Variants in C18orf63 observed in about 807,000 individuals in gnomAD.
C18orf63 encodes the protein uncharacterized protein C18orf63.
C18orf63 carries 50 observed loss-of-function variants against 75.3 expected under a neutral mutation model. That is an observed-to-expected ratio of 0.66 (90% CI 0.53 to 0.84). C18orf63 has a LOEUF of 0.84. C18orf63 is among the 40% of genes least tolerant of loss of function. C18orf63 has a pLI of 0.00. For missense variants in C18orf63, 732 were observed against 800.2 expected, an observed-to-expected ratio of 0.91 and a Z score of 1.03; for synonymous variants, 232 against 267.6, an observed-to-expected ratio of 0.87 and a Z score of 1.30.
chr18:74,342,432 A>C, intron 10 of C18orf63, 106 bp downstream of exon 10: 1 of 674,782 alleles, frequency 1.5e-6, no homozygotes, highest in Non-Finnish European at 2.6e-6. Flanking sequence ...TCTGTGTCTA[A>C]CTGAAACTAT....
Position 74,322,743 on chromosome 18 carries a change from T to C in C18orf63, c.259T>C (p.Tyr87His). Residue 87 changes from tyrosine to histidine, a missense_variant, in exon 4 of 14, where the codon TAT becomes CAT. By Grantham distance (83) the Tyr-to-His change is moderately conservative (BLOSUM62 2). Around this residue, in one of 3 missense-constraint regions of C18orf63, gnomAD observed 233 missense variants for 272.7 expected, o/e 0.85. Transcript: ENST00000579455. ...AAAACTTAATGCCTATGTTGAAAAATATGGAGCTAAGGTAAGTGTTAAAAA... is the reference window on the plus strand; with the variant it reads ...AAAACTTAATGCCTATGTTGAAAAACATGGAGCTAAGGTAAGTGTTAAAAA... Reference protein sequence around the residue: ...ARKLNAYVEKYGAKMEAPQRV... With the variant: ...ARKLNAYVEKHGAKMEAPQRV... 3 of 1,336,202 alleles carry C rather than the reference T, an allele frequency of 2.2e-6. No homozygotes were observed. Among genetic ancestry groups the C allele is most frequent in the Non-Finnish European group, 3.0e-6 (3 of 985,002 alleles). 82.8% of individuals were successfully genotyped at this position (1,336,202 alleles called of 1,614,324 possible).
intron 8 of C18orf63, among the ~76,000 whole-genome samples, chr18:74,339,944 C>CT (rs1238539892): frequency 5.9e-5 from 9 of 152,106 alleles, no homozygotes; most frequent in Admixed American, 5.9e-4. Context: ...GGTGAAAGAC[C>CT]TGTACACTGA....
rs909814440 is a variant in C18orf63 at position 74,343,590 on chromosome 18, A to G, written c.866A>G (p.Lys289Arg). Residue 289 changes from lysine to arginine, a missense_variant, in exon 11 of 14, where the codon AAA becomes AGA. Coordinates refer to ENST00000579455, the MANE Select transcript of C18orf63 (RefSeq NM_001174123.2). ...FPRVDSEVVL[K>R]SFLSDLKSKL... ...AGGGTAGATTCGGAAGTTGTGTTGA[A>G]AAGTTTTCTTTCAGATTTAAAATCT... 2 of 1,535,104 alleles carry G rather than the reference A, an allele frequency of 1.3e-6. No individual in the cohort carries two copies. The highest frequency in any genetic ancestry group is 2.7e-5 in the African/African-American group (2 of 73,006).
At chr18:74,334,237 T>C (rs1984355425) in intron 7 of C18orf63, among the ~76,000 whole-genome samples, 1 of 151,904 alleles carries the variant, frequency 6.6e-6, no homozygotes, top group Non-Finnish European at 1.5e-5. Flanking sequence ...CAAGTTACAA[T>C]AGGATCTGTG....
At chr18:74,350,476 C>T (rs1984648684) in intron 11 of C18orf63, among the ~76,000 whole-genome samples, 1 of 152,052 alleles carries the variant, frequency 6.6e-6, no homozygotes, top group Admixed American at 6.6e-5. Flanking sequence ...TGGATACAGA[C>T]ACACATAGAG....
chr18:74,339,584 A>C (rs558796047), intron 8 of C18orf63, among the ~76,000 whole-genome samples: 2 of 152,292 alleles, frequency 1.3e-5, no homozygotes, highest in African/African-American at 4.8e-5. Context: ...ATCAGGAACA[A>C]GACAAGGATG....
chr18:74,326,500 T>C (rs1166142171), intron 4 of C18orf63, among the ~76,000 whole-genome samples: 3 of 152,226 alleles, frequency 2.0e-5, no homozygotes, highest in East Asian at 1.9e-4. Context: ...CAGAGTTTGC[T>C]TTCTGTGCAG....
intron 2 of C18orf63, among the ~76,000 whole-genome samples, chr18:74,318,677 C>G (rs1338283628): frequency 1.3e-5 from 2 of 151,890 alleles, no homozygotes; most frequent in African/African-American, 4.8e-5. Context: ...GTAATCCCAG[C>G]TACTCAGGAG....
intron 11 of C18orf63, among the ~76,000 whole-genome samples, chr18:74,351,188 T>C (rs137878437): frequency 0.01 from 1,554 of 152,280 alleles, 24 homozygotes; most frequent in African/African-American, 0.036. Flanking sequence ...TTGGGGACTT[T>C]CCGTTTTTCC....
intron 2 of C18orf63, among the ~76,000 whole-genome samples, chr18:74,319,312 G>C (rs1009988224): frequency 3.9e-5 from 6 of 152,184 alleles, no homozygotes; most frequent in Non-Finnish European, 8.8e-5. Context: ...GCTGTGTCAG[G>C]TAATGGCAGG....
intron 10 of C18orf63, 63 bp from the exon 11 acceptor site, chr18:74,343,456 A>C (rs1025686640): frequency 9.4e-7 from 1 of 1,064,954 alleles, no homozygotes; most frequent in Non-Finnish European, 1.3e-6. Context: ...ACTTTTTAAA[A>C]TCCCTTATAA....
At chr18:74,334,055 G>A (rs1366239783) in intron 7 of C18orf63, among the ~76,000 whole-genome samples, 7 of 151,690 alleles carry the variant, frequency 4.6e-5, no homozygotes, top group Non-Finnish European at 1.0e-4. Context: ...GAGATTCTAG[G>A]TCCTGTGTTA....
chr18:74,342,495 A>C (rs979004552), intron 10 of C18orf63, among the ~76,000 whole-genome samples, 169 bp downstream of exon 10: 3 of 152,158 alleles, frequency 2.0e-5, no homozygotes, highest in Non-Finnish European at 4.4e-5. Context: ...TTTGCTTAGA[A>C]TATCTTCCTA....
At chr18:74,341,437 C>G (rs1388081096) in intron 8 of C18orf63, among the ~76,000 whole-genome samples, 4 of 152,098 alleles carry the variant, frequency 2.6e-5, no homozygotes, top group Non-Finnish European at 5.9e-5. Context: ...AATCCCAGCA[C>G]TTTGGGAGGC....
intron 10 of C18orf63, 127 bp from the exon 11 acceptor site, chr18:74,343,392 T>C (rs1984520292): frequency 3.6e-6 from 2 of 552,162 alleles, no homozygotes; most frequent in Non-Finnish European, 6.2e-6. Flanking sequence ...AGATAAGCAA[T>C]ATAAAAGAGT....
chr18:74,347,993 A>G (rs960084190), intron 11 of C18orf63, among the ~76,000 whole-genome samples: 2 of 152,166 alleles, frequency 1.3e-5, no homozygotes, highest in Non-Finnish European at 2.9e-5. Context: ...ATATTTTTAT[A>G]TAACCCCTAT....
At chr18:74,316,842 T>C (rs527600479) in intron 1 of C18orf63, among the ~76,000 whole-genome samples, 1 of 152,200 alleles carries the variant, frequency 6.6e-6, no homozygotes, top group African/African-American at 2.4e-5. Flanking sequence ...AATTAAACAA[T>C]AGTAATAATT....
At chr18:74,322,379 AT>A (rs897182352) in intron 3 of C18orf63, among the ~76,000 whole-genome samples, 2 of 152,132 alleles carry the variant, frequency 1.3e-5, no homozygotes, top group Admixed American at 1.3e-4. Context: ...GTTTATGTCC[AT>A]TTTCCTTATT....
Position 74,331,008 on chromosome 18 carries a change from TACTA to T in C18orf63, c.501+69_501+72del, listed in dbSNP as rs1984295888. 18 of 604,676 alleles carry T rather than the reference TACTA, an allele frequency of 3.0e-5. No homozygotes were observed. The South Asian group carries it at 6.2e-4, about 21-fold the overall frequency. The allele number at this position is 604,676 out of a possible 1,614,324, so 37.5% of individuals were successfully genotyped here. On this transcript the variant is annotated intron_variant, in intron 7 of 13. Transcript: ENST00000579455. ...ATATACTTTTTATATTTATTATTGT[TACTA>T]ACGTGATTAGGTTTTAATTTTTAAC...
Sources: gnomAD v4.1 joint callset for allele counts (sites outside exome capture counted in the v4.1 genomes callset) on GRCh38, gnomAD v4.1.1 for gene constraint, gnomAD v4.1.1 regional missense constraint, MANE v1.5 for transcripts, NCBI Gene and HGNC (gene_info 2026-07-23, HGNC 2026-07-21) for gene names.